Variants in ADAMTS2 observed in about 807,000 individuals in gnomAD.
ADAMTS2 encodes ADAM metallopeptidase with thrombospondin type 1 motif 2.
A neutral mutation model predicts 123.0 loss-of-function variants in ADAMTS2; 50 were observed. That is an observed-to-expected ratio of 0.41 (90% CI 0.32 to 0.51). The LOEUF is 0.51. ADAMTS2 is among the 20% of genes least tolerant of loss of function. The pLI, the probability that ADAMTS2 is intolerant of heterozygous loss-of-function variation, is 0.35. For missense variants in ADAMTS2, 1,494 were observed against 1,705.2 expected (o/e 0.88, Z 2.18); for synonymous variants, 678 against 695.4 (o/e 0.98, Z 0.39).
At chr5:179,223,475 C>T (rs2113411082) in intron 3 of ADAMTS2, among the ~76,000 whole-genome samples, 1 of 152,040 alleles carries the variant, frequency 6.6e-6, no homozygotes, top group South Asian at 2.1e-4. Context: ...AATGCACTCA[C>T]ACACAAATGG....
intron 3 of ADAMTS2, among the ~76,000 whole-genome samples, chr5:179,226,135 T>A (rs1765278287): frequency 6.6e-6 from 1 of 152,200 alleles, no homozygotes; most frequent in Non-Finnish European, 1.5e-5. Flanking sequence ...AGAACTTCTC[T>A]CATTTCAATA....
At chr5:179,250,921 C>A (rs1430322118) in intron 3 of ADAMTS2, among the ~76,000 whole-genome samples, 2 of 152,198 alleles carry the variant, frequency 1.3e-5, no homozygotes, top group African/African-American at 2.4e-5. Context: ...GCCAGTGGAG[C>A]CCCAGCTGAA....
At chr5:179,327,119 A>C (rs1179899835) in intron 2 of ADAMTS2, among the ~76,000 whole-genome samples, 1 of 152,154 alleles carries the variant, frequency 6.6e-6, no homozygotes, top group Non-Finnish European at 1.5e-5. Context: ...CCTGGTTCTC[A>C]AGAGAAACTG....
intron 2 of ADAMTS2, among the ~76,000 whole-genome samples, chr5:179,297,616 T>C (rs775675551): frequency 1.3e-5 from 2 of 152,064 alleles, no homozygotes; most frequent in African/African-American, 4.8e-5. Flanking sequence ...CCAGGGTGAC[T>C]TGGGCCCTTG....
intron 3 of ADAMTS2, among the ~76,000 whole-genome samples, chr5:179,233,384 TAA>T (rs11312305): frequency 6.7e-6 from 1 of 149,916 alleles, no homozygotes; most frequent in African/African-American, 2.4e-5. Context: ...TGTGTCACAT[TAA>T]AAAACAAAAA....
chr5:179,272,843 G>T lies in ADAMTS2; in HGVS notation c.688+68C>A. 1 of 1,562,284 alleles carries T rather than the reference G, an allele frequency of 6.4e-7. No individual in the cohort carries two copies. The highest frequency in any genetic ancestry group is 8.6e-7 in the Non-Finnish European group (1 of 1,157,146). The stretch of plus-strand genomic sequence containing the variant: ...TGTGGAGAGCTGCCTGAGTCTCTGG[G>T]ATGCTCCCCTGGGGACCAGGGCCTC... On this transcript the variant is annotated intron_variant, in intron 3 of 21. Coordinates refer to ENST00000251582, the MANE Select transcript of ADAMTS2 (RefSeq NM_014244.5). The surrounding 1 kb of genome is among the most constrained non-coding windows in gnomAD (Gnocchi z 5.8).
At chr5:179,251,594 C>A (rs954011541) in intron 3 of ADAMTS2, among the ~76,000 whole-genome samples, 1 of 152,118 alleles carries the variant, frequency 6.6e-6, no homozygotes, top group East Asian at 1.9e-4. Context: ...CCAGGAGGGA[C>A]ACTACGTGCA....
intron 10 of ADAMTS2, among the ~76,000 whole-genome samples, chr5:179,148,448 A>G (rs181530561): frequency 2.4e-4 from 36 of 152,246 alleles, no homozygotes; most frequent in Admixed American, 9.2e-4. Flanking sequence ...CGTTGCTTCA[A>G]TTGGGCCAAC....
chr5:179,244,696 C>T (rs1765742540), intron 3 of ADAMTS2, among the ~76,000 whole-genome samples: 1 of 152,074 alleles, frequency 6.6e-6, no homozygotes, highest in African/African-American at 2.4e-5. Context: ...TATTATTGGG[C>T]CCATATAATA....
chr5:179,193,141 C>T (rs1030881727), intron 4 of ADAMTS2, among the ~76,000 whole-genome samples: 1 of 152,176 alleles, frequency 6.6e-6, no homozygotes, highest in East Asian at 1.9e-4. Flanking sequence ...GTGGAGACAG[C>T]TGACCGTCTC....
In ADAMTS2 at chr5:179,129,817, G is replaced by T; in HGVS notation, c.2457+115C>A. 1 of 1,416,172 alleles carries T rather than the reference G, an allele frequency of 7.1e-7. No individual in the cohort carries two copies. The highest frequency in any genetic ancestry group is 2.4e-5 in the East Asian group (1 of 42,244). 87.7% of individuals were successfully genotyped at this position (1,416,172 alleles called of 1,614,324 possible). ...CCCTTGGTGCCAAAGGCAGGCCAAA[G>T]GGGCCACGCAGAGTGTCACCTGAAG... On this transcript the variant is annotated intron_variant, in intron 16 of 21. Transcript: ENST00000251582. The surrounding 1 kb of genome is among the most constrained non-coding windows in gnomAD (Gnocchi z 4.1).
Position 179,202,143 on chromosome 5 carries a change from C to T in ADAMTS2, c.891+5370G>A, listed in dbSNP as rs989694168. 2.6e-5 allele frequency among the ~76,000 whole-genome samples: 4 copies of T among 152,086 alleles called. No individual in the cohort carries two copies. Among genetic ancestry groups the T allele is most frequent in the Non-Finnish European group, 4.4e-5 (3 of 68,004 alleles). ...TTTCCACTGCTCCCGGAGCCACAGG[C>T]GGCTCCCCTCCACCTCTGGAAGACT... On this transcript the variant is annotated intron_variant, in intron 4 of 21. Transcript: ENST00000251582. This position sits in a 1 kb window ranked among gnomAD's most constrained non-coding sequence, Gnocchi z 4.0.
At chr5:179,141,583 T>G (rs1354604929) in intron 10 of ADAMTS2, among the ~76,000 whole-genome samples, 1 of 150,702 alleles carries the variant, frequency 6.6e-6, no homozygotes, top group Admixed American at 6.6e-5. Context: ...CTCAAGAAAA[T>G]CTATTAAATC....
intron 3 of ADAMTS2, among the ~76,000 whole-genome samples, chr5:179,269,999 C>T (rs1374167677): frequency 1.3e-5 from 2 of 152,254 alleles, no homozygotes; most frequent in East Asian, 1.9e-4. Flanking sequence ...GGACCCTCCC[C>T]GCTCCCTCAC....
chr5:179,327,586 G>A (rs1757348555), intron 2 of ADAMTS2, among the ~76,000 whole-genome samples: 1 of 152,178 alleles, frequency 6.6e-6, no homozygotes, highest in African/African-American at 2.4e-5. Flanking sequence ...CACAACATGG[G>A]CACATCCTGC....
At chr5:179,141,561 CT>C (rs113403808) in intron 10 of ADAMTS2, among the ~76,000 whole-genome samples, 17 of 147,542 alleles carry the variant, frequency 1.2e-4, no homozygotes, top group South Asian at 4.3e-4. Flanking sequence ...AATGAAGAAG[CT>C]TTTTTTTTTT....
At chr5:179,134,526 C>T (rs1426057346) in intron 13 of ADAMTS2, among the ~76,000 whole-genome samples, 3 of 152,202 alleles carry the variant, frequency 2.0e-5, no homozygotes, top group Non-Finnish European at 4.4e-5. Context: ...CCTCAGGAGC[C>T]CTCTCAGTGA....
chr5:179,181,172 G>T lies in ADAMTS2; in HGVS notation c.892-17C>A. 6.3e-7 allele frequency: 1 copy of T among 1,595,984 alleles called. No homozygotes were observed. Among genetic ancestry groups the T allele is most frequent in the Non-Finnish European group, 8.6e-7 (1 of 1,163,770 alleles). On this transcript the variant is annotated splice_polypyrimidine_tract_variant and intron_variant, in intron 4 of 21. Transcript: ENST00000251582. The surrounding 1 kb of genome is among the most constrained non-coding windows in gnomAD (Gnocchi z 4.1). ...TTCATTGACCTGAAAGAAACAGGGA[G>T]GCATCAGCGGGAACCACAGGCCCTA...
intron 10 of ADAMTS2, among the ~76,000 whole-genome samples, chr5:179,142,154 G>T (rs1267139061): frequency 1.3e-5 from 2 of 152,146 alleles, no homozygotes; most frequent in African/African-American, 4.8e-5. Flanking sequence ...GAGCGTGGAG[G>T]ATGTTCATGT....
Sources: allele counts gnomAD v4.1 joint callset (sites outside exome capture counted in the v4.1 genomes callset), GRCh38; gene constraint gnomAD v4.1.1; non-coding constraint Gnocchi (gnomAD v3.1); transcripts MANE v1.5; gene names NCBI Gene and HGNC (gene_info 2026-07-23, HGNC 2026-07-21).